NUMB: variants seen among roughly 807,000 people sequenced by gnomAD.
NUMB encodes protein numb homolog.
A neutral mutation model predicts 59.7 loss-of-function variants in NUMB; 29 were observed. That is an observed-to-expected ratio of 0.49 (90% CI 0.36 to 0.66). The LOEUF (loss-of-function observed/expected upper bound fraction) is 0.66, where lower values mean the gene tolerates loss of function less well. Among genes scored for constraint, NUMB ranks in the 30% least tolerant of loss-of-function variants. The pLI is 0.00. For missense variants in NUMB, 723 were observed against 822.0 expected (o/e 0.88, Z 1.47); for synonymous variants, 288 against 288.2 (o/e 1.00, Z 0.01).
At chr14:73,409,692 G>A (rs1287279912) in intron 2 of NUMB, 2 of 152,018 alleles carry the variant, frequency 1.3e-5, no homozygotes. Context: ...AATACAATCT[G>A]GAAAACAGAC....
chr14:73,276,765 T>G lies in NUMB; in HGVS notation c.1769A>C (p.Asn590Thr), dbSNP rs549478016. 1.9e-6 allele frequency: 3 copies of G among 1,613,986 alleles called. No homozygotes were observed. The highest frequency in any genetic ancestry group is 4.5e-5 in the East Asian group (2 of 44,882). The change falls in exon 13 of 13, where the codon AAT (asparagine) becomes ACT (threonine). Residue 590 changes from asparagine to threonine, a missense_variant. Coordinates refer to ENST00000555238, the MANE Select transcript of NUMB (RefSeq NM_001005743.2). Reference sequence around the variant, plus strand: ...GGCCAACCTGCCATCATCTACACCATTGAAAGCTGCAGAACCGTTGAGGTG... The same window carrying G: ...GGCCAACCTGCCATCATCTACACCAGTGAAAGCTGCAGAACCGTTGAGGTG... ...AQHLNGSAAF[N>T]GVDDGRLASA...
intron 4 of NUMB, among the ~76,000 whole-genome samples, chr14:73,346,346 GAC>G (rs765965786): frequency 9.2e-5 from 14 of 152,130 alleles, no homozygotes; most frequent in Non-Finnish European, 1.6e-4. Flanking sequence ...TGGGTGTGGT[GAC>G]ACATGTCTGT....
chr14:73,295,779 A>T (rs1889735448), intron 7 of NUMB, among the ~76,000 whole-genome samples: 1 of 152,142 alleles, frequency 6.6e-6, no homozygotes, highest in Non-Finnish European at 1.5e-5. Flanking sequence ...ATTAACAATT[A>T]AATGTACTTA....
rs1889480815 is a variant in NUMB, at chr14:73,292,775, G to A, written c.409C>T (p.Arg137Cys). The change falls in exon 8 of 13, where the codon CGT becomes TGT. Residue 137 changes from arginine (R) to cysteine (C), a missense_variant. Transcript: ENST00000555238. Reference protein sequence around the residue: ...FSYICRDGTTRRWICHCFMAV... With the variant: ...FSYICRDGTTCRWICHCFMAV... ...ATGAAGCAGTGACAGATCCAGCGAC[G>A]AGTGGTGCCATCACGGCATATGTAA... is the stretch of plus-strand genomic sequence containing the variant. The A allele has an allele frequency of 3.1e-6, 5 of 1,614,206 alleles. No homozygotes were observed. The highest frequency in any genetic ancestry group is 3.4e-6 in the Non-Finnish European group (4 of 1,180,028).
chr14:73,411,540 T>C (rs1366075151), intron 1 of NUMB, among the ~76,000 whole-genome samples: 1 of 152,214 alleles, frequency 6.6e-6, no homozygotes, highest in East Asian at 1.9e-4. Flanking sequence ...AATATGTGTT[T>C]GTTTAAAACA....
intron 4 of NUMB, among the ~76,000 whole-genome samples, chr14:73,339,400 C>G (rs1431635489): frequency 1.3e-5 from 2 of 152,168 alleles, no homozygotes; most frequent in Non-Finnish European, 2.9e-5. Flanking sequence ...ATACCAGGCA[C>G]TCTCCTGCCC....
chr14:73,278,290 G>A (rs1056820951), intron 12 of NUMB, among the ~76,000 whole-genome samples: 5 of 152,026 alleles, frequency 3.3e-5, no homozygotes, highest in African/African-American at 4.8e-5. Flanking sequence ...TGGAGGCCAA[G>A]GCGGGTGGAT....
At chr14:73,367,330 C>CATATACATAT (rs1894402025) in intron 2 of NUMB, among the ~76,000 whole-genome samples, 1 of 116,106 alleles carries the variant, frequency 8.6e-6, no homozygotes, top group South Asian at 2.6e-4. Flanking sequence ...CACATATATA[C>CATATACATAT]ATATATATAT....
At chr14:73,293,506 C>T (rs1200244532) in intron 7 of NUMB, among the ~76,000 whole-genome samples, 3 of 151,102 alleles carry the variant, frequency 2.0e-5, no homozygotes, top group Admixed American at 6.6e-5. Flanking sequence ...ATTCTCCTGC[C>T]TCAGCCTCCC....
chr14:73,321,814 T>C (rs1352411195), intron 5 of NUMB, among the ~76,000 whole-genome samples: 2 of 152,210 alleles, frequency 1.3e-5, no homozygotes, highest in Admixed American at 1.3e-4. Flanking sequence ...TAGGTATCTA[T>C]GTATGTATAT....
At chr14:73,408,219 T>G (rs898158388) in intron 2 of NUMB, among the ~76,000 whole-genome samples, 11 of 112,370 alleles carry the variant, frequency 9.8e-5, no homozygotes, top group Non-Finnish European at 1.4e-4. Context: ...AGAGCAAGAC[T>G]CCGTCTCAAA....
intron 1 of NUMB, among the ~76,000 whole-genome samples, chr14:73,453,439 G>C (rs1295606642): frequency 6.6e-6 from 1 of 151,400 alleles, no homozygotes; most frequent in Non-Finnish European, 1.5e-5. Context: ...GCCTCAAAGT[G>C]CACGTTTAAT....
At chr14:73,316,287 A>C (rs929611531) in intron 6 of NUMB, 103 bp downstream of exon 6, 3 of 940,268 alleles carry the variant, frequency 3.2e-6, no homozygotes, top group African/African-American at 1.6e-5. Context: ...CAATTCCTGC[A>C]TTATAAAGAA....
At chr14:73,350,078 T>TACACACACACACAC (rs71112732) in intron 4 of NUMB, among the ~76,000 whole-genome samples, 4 of 137,766 alleles carry the variant, frequency 2.9e-5, no homozygotes, top group African/African-American at 8.6e-5. Flanking sequence ...CATACATACA[T>TACACACACACACAC]ACACACACAC....
At chr14:73,333,552 T>A (rs1217332912) in intron 4 of NUMB, among the ~76,000 whole-genome samples, 1 of 152,078 alleles carries the variant, frequency 6.6e-6, no homozygotes, top group African/African-American at 2.4e-5. Context: ...AAATTTCTAT[T>A]CAAGTCCTTT....
Position 73,389,272 on chromosome 14 carries a change from C to CAAAAAAA in NUMB, c.-101+20658_-101+20664dup, listed in dbSNP as rs869074049. 6.7e-3 allele frequency among the ~76,000 whole-genome samples: 444 copies of CAAAAAAA among 66,148 alleles called. 3 individuals are homozygous for CAAAAAAA. Among genetic ancestry groups the CAAAAAAA allele is most frequent in the African/African-American group, 9.2e-3 (157 of 17,072 alleles). 43.4% of individuals were successfully genotyped at this position (66,148 alleles called of 152,430 possible). Reference sequence around the variant, plus strand: ...GGTTACAGAGCGAGACTCCATCTCTCAAAAAAAAAAAAAAAAAAAAACAAA... The same window carrying CAAAAAAA: ...GGTTACAGAGCGAGACTCCATCTCTCAAAAAAAAAAAAAAAAAAAAAAAAAAAACAAA... On this transcript the variant is annotated intron_variant, in intron 2 of 12. Coordinates refer to ENST00000555238, the MANE Select transcript of NUMB (RefSeq NM_001005743.2).
intron 3 of NUMB, among the ~76,000 whole-genome samples, chr14:73,360,840 A>ATTTAT (rs146804007): frequency 5.9e-5 from 9 of 151,672 alleles, no homozygotes; most frequent in East Asian, 3.9e-4. Context: ...TTCCTTCACA[A>ATTTAT]TTTATTTTAT....
chr14:73,419,681 A>G (rs1897278810), intron 1 of NUMB, among the ~76,000 whole-genome samples: 1 of 152,108 alleles, frequency 6.6e-6, no homozygotes, highest in South Asian at 2.1e-4. Context: ...TCTGACATCA[A>G]AGTAAACAGA....
At chr14:73,346,497 A>T (rs912464395) in intron 4 of NUMB, among the ~76,000 whole-genome samples, 8 of 151,776 alleles carry the variant, frequency 5.3e-5, no homozygotes, top group African/African-American at 1.7e-4. Flanking sequence ...AAAAAAAAAA[A>T]TTTATCTCTG....
Sources: gnomAD v4.1 joint callset for allele counts (sites outside exome capture counted in the v4.1 genomes callset) on GRCh38, gnomAD v4.1.1 for gene constraint, MANE v1.5 for transcripts, NCBI Gene and HGNC (gene_info 2026-07-23, HGNC 2026-07-21) for gene names.